PSD3: variants seen among roughly 807,000 people sequenced by gnomAD.
PSD3 encodes the protein PH and SEC7 domain-containing protein 3.
PSD3 carries 49 observed loss-of-function variants against 105.5 expected under a neutral mutation model. That is an observed-to-expected ratio of 0.46 (90% CI 0.37 to 0.59). The LOEUF is 0.59. PSD3 is among the 20% of genes least tolerant of loss of function. The probability of loss-of-function intolerance (pLI) is 0.00; values close to 1 mark genes in which losing one functional copy is unlikely to be tolerated. For missense variants in PSD3, 1,561 were observed against 1,263.8 expected, an observed-to-expected ratio of 1.24 and a Z score of -3.57; for synonymous variants, 557 against 457.8, an observed-to-expected ratio of 1.22 and a Z score of -2.77.
intron 2 of PSD3, among the ~76,000 whole-genome samples, chr8:18,934,323 C>T (rs927056584): frequency 1.3e-5 from 2 of 152,144 alleles, no homozygotes; most frequent in African/African-American, 4.8e-5. Context: ...CCTCAAAGGT[C>T]AGGGATATGA....
At chr8:18,564,384 T>A (rs1801597992) in intron 14 of PSD3, among the ~76,000 whole-genome samples, 1 of 152,032 alleles carries the variant, frequency 6.6e-6, no homozygotes. Flanking sequence ...ATCCCAACAC[T>A]TTGGGAGGCC....
At chr8:18,844,070 A>C (rs971354803) in intron 4 of PSD3, among the ~76,000 whole-genome samples, 3 of 152,154 alleles carry the variant, frequency 2.0e-5, no homozygotes, top group African/African-American at 7.2e-5. Flanking sequence ...ACAGATGTCC[A>C]GCAGCTGGCT....
At chr8:18,808,756 A>T in intron 4 of PSD3, 1 of 1,614,094 alleles carries the variant, frequency 6.2e-7, no homozygotes, top group Non-Finnish European at 8.5e-7. Flanking sequence ...TAAACTTACC[A>T]GCAACCATAC....
chr8:18,566,976 A>T (rs138066527), intron 14 of PSD3, among the ~76,000 whole-genome samples: 4 of 152,220 alleles, frequency 2.6e-5, no homozygotes, highest in Non-Finnish European at 5.9e-5. Flanking sequence ...TTTCACGTAC[A>T]TATCACTTAC....
chr8:18,747,286 G>T (rs749091967), intron 9 of PSD3, among the ~76,000 whole-genome samples: 3 of 152,152 alleles, frequency 2.0e-5, no homozygotes, highest in Non-Finnish European at 2.9e-5. Flanking sequence ...CTTTTAATTA[G>T]ATATTACAAA....
chr8:18,857,133 C>A (rs73666734), intron 4 of PSD3, among the ~76,000 whole-genome samples: 1 of 152,142 alleles, frequency 6.6e-6, no homozygotes, highest in Admixed American at 6.5e-5. Flanking sequence ...ACTCACTTTC[C>A]CAAACCTCTG....
intron 12 of PSD3, among the ~76,000 whole-genome samples, chr8:18,599,913 A>G (rs1223585514): frequency 6.6e-6 from 1 of 152,182 alleles, no homozygotes; most frequent in Non-Finnish European, 1.5e-5. Flanking sequence ...AATTAGTCAC[A>G]GTAAGAGATT....
chr8:18,956,806 T>C (rs1217808585), intron 1 of PSD3, among the ~76,000 whole-genome samples: 2 of 152,074 alleles, frequency 1.3e-5, no homozygotes, highest in African/African-American at 2.4e-5. Flanking sequence ...GGATCCATGG[T>C]TTGGCTTTTC....
intron 2 of PSD3, among the ~76,000 whole-genome samples, chr8:18,900,534 C>T (rs535970481): frequency 6.6e-6 from 1 of 152,068 alleles, no homozygotes; most frequent in South Asian, 2.1e-4. Context: ...TTCTTGGGAG[C>T]ACTTCCAGCA....
At chr8:18,895,434 A>C (rs1426836323) in intron 2 of PSD3, among the ~76,000 whole-genome samples, 2 of 152,220 alleles carry the variant, frequency 1.3e-5, no homozygotes, top group African/African-American at 4.8e-5. Flanking sequence ...ACTTTCTGAA[A>C]GTCTCATGCA....
At chr8:18,697,575 T>C (rs1216147032) in intron 9 of PSD3, among the ~76,000 whole-genome samples, 1 of 152,214 alleles carries the variant, frequency 6.6e-6, no homozygotes, top group Non-Finnish European at 1.5e-5. Flanking sequence ...TAGAACATTA[T>C]TGTTACTTAA....
intron 9 of PSD3, among the ~76,000 whole-genome samples, chr8:18,714,926 T>C (rs768525107): frequency 2.6e-5 from 4 of 152,204 alleles, no homozygotes; most frequent in Admixed American, 6.5e-5. Context: ...GTGGCACATA[T>C]ACACCATAGA....
chr8:18,644,895 G>A (rs1297839736), intron 10 of PSD3, among the ~76,000 whole-genome samples: 2 of 152,200 alleles, frequency 1.3e-5, no homozygotes, highest in South Asian at 2.1e-4. Flanking sequence ...GAGGCTGGAA[G>A]TTCAAAGTCA....
intron 9 of PSD3, among the ~76,000 whole-genome samples, chr8:18,724,243 A>T (rs1322261348): frequency 6.6e-6 from 1 of 152,128 alleles, no homozygotes; most frequent in Non-Finnish European, 1.5e-5. Context: ...CTATAAATGG[A>T]AGAAGAAAAA....
intron 7 of PSD3, 51 bp downstream of exon 7, chr8:18,801,219 G>T (rs1053551780): frequency 8.6e-7 from 1 of 1,165,632 alleles, no homozygotes; most frequent in African/African-American, 1.6e-5. Context: ...TCATAATAAG[G>T]AAAATAACCA....
intron 15 of PSD3, among the ~76,000 whole-genome samples, chr8:18,551,320 T>C (rs148729533): frequency 8.3e-4 from 126 of 152,320 alleles, no homozygotes; most frequent in Middle Eastern, 3.4e-3. Flanking sequence ...TACTCAACAG[T>C]AAAATGAAAG....
intron 9 of PSD3, among the ~76,000 whole-genome samples, chr8:18,728,517 G>C (rs573115556): frequency 3.9e-5 from 6 of 152,156 alleles, no homozygotes; most frequent in Non-Finnish European, 7.3e-5. Context: ...AGAGGAAACA[G>C]CATGGATGGA....
intron 12 of PSD3, among the ~76,000 whole-genome samples, chr8:18,591,135 C>A (rs780001951): frequency 1.3e-5 from 2 of 152,108 alleles, no homozygotes; most frequent in African/African-American, 2.4e-5. Context: ...CAGGAGAGCA[C>A]AAAGCCAAGA....
chr8:18,581,510 T>A (rs2634445), intron 12 of PSD3, among the ~76,000 whole-genome samples: 123,300 of 152,102 alleles, frequency 0.81, 51,526 homozygotes, highest in South Asian at 0.94. Context: ...TCTGGAACAG[T>A]TTTGAAATGT....
Sources: allele counts gnomAD v4.1 joint callset (sites outside exome capture counted in the v4.1 genomes callset), GRCh38; gene constraint gnomAD v4.1.1; transcripts MANE v1.5; gene names NCBI Gene and HGNC (gene_info 2026-07-23, HGNC 2026-07-21).